Variants in GIN1 observed in about 807,000 individuals in gnomAD.
The protein encoded by GIN1 is gypsy retrotransposon integrase 1.
In GIN1, 41 loss-of-function variants were observed where a neutral mutation model predicts 51.4. The ratio of observed to expected loss-of-function variants is 0.80; its 90% confidence interval spans 0.62 to 1.04. The LOEUF (loss-of-function observed/expected upper bound fraction) is 1.04, where lower values mean the gene tolerates loss of function less well. GIN1 is among the 50% of genes least tolerant of loss of function. The pLI, the probability that GIN1 is intolerant of heterozygous loss-of-function variation, is 0.00. For synonymous variants in GIN1, 222 were observed against 206.5 expected (o/e 1.07, Z -0.64); for missense variants, 610 against 612.4 (o/e 1.00, Z 0.04).
At chr5:103,093,005 A>T (rs1472251395) in intron 7 of GIN1, among the ~76,000 whole-genome samples, 8 of 151,402 alleles carry the variant, frequency 5.3e-5, no homozygotes, top group African/African-American at 1.7e-4. Context: ...GATATAACTA[A>T]GAGGCCAAAA....
chr5:103,099,871 C>T (rs1554195584), intron 4 of GIN1, among the ~76,000 whole-genome samples: 1 of 152,102 alleles, frequency 6.6e-6, no homozygotes, highest in Admixed American at 6.5e-5. Context: ...TTCAACTATA[C>T]AATAAACCTC....
chr5:103,092,999 T>C (rs1169373275), intron 7 of GIN1, among the ~76,000 whole-genome samples: 3 of 81,688 alleles, frequency 3.7e-5, no homozygotes, highest in African/African-American at 1.4e-4. Flanking sequence ...AAAAAAGATA[T>C]AACTAAGAGG....
intron 1 of GIN1, among the ~76,000 whole-genome samples, chr5:103,112,711 TTGAC>T (rs1787921405): frequency 6.6e-6 from 1 of 152,210 alleles, no homozygotes; most frequent in Non-Finnish European, 1.5e-5. Flanking sequence ...TAAAGTGATC[TTGAC>T]CTCTCCTAAT....
chr5:103,114,141 T>C lies in GIN1; in HGVS notation c.-7-5427A>G, dbSNP rs568465552. On this transcript the variant is annotated intron_variant, in intron 1 of 7. Coordinates refer to ENST00000399004, the MANE Select transcript of GIN1 (RefSeq NM_017676.2). Reference sequence around the variant, plus strand: ...TTTCAAAACTCTGGCTAGGTGTAATTTCCTGCAGAGTGTCTTCTAACCACT... The same window carrying C: ...TTTCAAAACTCTGGCTAGGTGTAATCTCCTGCAGAGTGTCTTCTAACCACT... Among the ~76,000 whole-genome samples, 16 of 152,320 alleles carry C rather than the reference T, an allele frequency of 1.1e-4. No homozygotes were observed. In the East Asian group the frequency reaches 3.1e-3, roughly 29 times the overall value.
intron 7 of GIN1, among the ~76,000 whole-genome samples, chr5:103,095,159 C>T (rs1268225880): frequency 6.6e-6 from 1 of 152,110 alleles, no homozygotes; most frequent in Non-Finnish European, 1.5e-5. Flanking sequence ...AATATATTTT[C>T]CATTAAATGT....
Position 103,086,739 on chromosome 5 carries a change from C to T in GIN1, c.*1159G>A, listed in dbSNP as rs257316. On this transcript the variant is annotated 3_prime_UTR_variant, in exon 8 of 8. Coordinates refer to ENST00000399004, the MANE Select transcript of GIN1 (RefSeq NM_017676.2). Reference sequence around the variant, plus strand: ...GCAATTTAGCATGCCTTAACTTGTGCTGTACATGGCTTACATAGTTTATTA... The same window carrying T: ...GCAATTTAGCATGCCTTAACTTGTGTTGTACATGGCTTACATAGTTTATTA... 39,195 of 152,128 alleles carry T rather than the reference C, an allele frequency of 0.26. 5,584 individuals are homozygous for T. The highest frequency in any genetic ancestry group is 0.45 in the East Asian group (2,330 of 5,168). 9.4% of individuals were successfully genotyped at this position (152,128 alleles called of 1,614,324 possible). A position where few individuals can be genotyped will look rare whatever the true frequency, so the allele number is the denominator to read the frequency against.
chr5:103,103,773 C>T (rs1554195980), intron 4 of GIN1, among the ~76,000 whole-genome samples: 1 of 152,104 alleles, frequency 6.6e-6, no homozygotes, highest in Admixed American at 6.6e-5. Flanking sequence ...CTTTACCTGT[C>T]AATCATAGTG....
Position 103,097,758 on chromosome 5 carries a change from C to T in GIN1, c.663G>A (p.Leu221=). 1 of 1,546,224 alleles carries T rather than the reference C, an allele frequency of 6.5e-7. No homozygotes were observed. Among genetic ancestry groups the T allele is most frequent in the East Asian group, 2.2e-5 (1 of 44,530 alleles). ...IQQINIELYR[L]FGIKQIVISH... ...AAATTACAATTTGCTTTATGCCAAA[C>T]AATCTGTACAGTTCAATATTGATCT... Residue 221 remains leucine (L), a synonymous_variant, in exon 5 of 8, where the codon TTG becomes TTA. Transcript: ENST00000399004.
rs974499566 is a variant in GIN1, at chr5:103,086,526, T to C, written c.*1372A>G. On this transcript the variant is annotated 3_prime_UTR_variant, in exon 8 of 8. Coordinates refer to ENST00000399004, the MANE Select transcript of GIN1 (RefSeq NM_017676.2). ...GAAGCCCTGCCTTTTTATGAATCATTACAATACTTTTCCATTTCTGTGTAT... is the reference window on the plus strand; with the variant it reads ...GAAGCCCTGCCTTTTTATGAATCATCACAATACTTTTCCATTTCTGTGTAT... 1 of 152,194 alleles carries C rather than the reference T, an allele frequency of 6.6e-6. No homozygotes were observed. The highest frequency in any genetic ancestry group is 2.4e-5 in the African/African-American group (1 of 41,450). The allele number at this position is 152,194 out of a possible 1,614,324, so 9.4% of individuals were successfully genotyped here.
Position 103,086,493 on chromosome 5 carries a change from G to C in GIN1, c.*1405C>G, listed in dbSNP as rs1787079116. 1 of 152,120 alleles carries C rather than the reference G, an allele frequency of 6.6e-6. No homozygotes were observed. The highest frequency in any genetic ancestry group is 1.5e-5 in the Non-Finnish European group (1 of 68,034). The allele number at this position is 152,120 out of a possible 1,614,324, so 9.4% of individuals were successfully genotyped here. A position where few individuals can be genotyped will look rare whatever the true frequency, so the allele number is the denominator to read the frequency against. On this transcript the variant is annotated 3_prime_UTR_variant, in exon 8 of 8. Transcript: ENST00000399004. ...TTCACTTTATACCCGAGGCAGTGTA[G>C]ACAACAAGAAGCCCTGCCTTTTTAT...
At chr5:103,109,783 A>G (rs1554196735) in intron 1 of GIN1, among the ~76,000 whole-genome samples, 1 of 152,124 alleles carries the variant, frequency 6.6e-6, no homozygotes. Flanking sequence ...AACCAAACAA[A>G]TGCAGCCTAT....
intron 7 of GIN1, among the ~76,000 whole-genome samples, chr5:103,089,803 A>T (rs1456743757): frequency 1.3e-5 from 2 of 152,162 alleles, no homozygotes; most frequent in Non-Finnish European, 2.9e-5. Flanking sequence ...ACTCACCCTC[A>T]TAACATTATT....
intron 1 of GIN1, among the ~76,000 whole-genome samples, chr5:103,116,999 A>C (rs560080385): frequency 6.6e-5 from 10 of 152,256 alleles, no homozygotes; most frequent in African/African-American, 2.4e-4. Context: ...AATTTCTTAT[A>C]AAGTTAAACA....
At position 103,104,655 on chromosome 5, in the gene GIN1, C is replaced by CA. The variant is rs1408840532; in HGVS notation, c.524dup (p.Leu175PhefsTer5). On this transcript the variant is annotated frameshift_variant, in exon 4 of 8. Coordinates refer to ENST00000399004, the MANE Select transcript of GIN1 (RefSeq NM_017676.2). LOFTEE classifies it high-confidence loss of function. ...CTGATGCTGAAACATCACATAGAGG[C>CA]AAAATCACAATCCATTTGGTGAACA... 6.2e-7 allele frequency: 1 copy of CA among 1,609,776 alleles called. No individual in the cohort carries two copies. Among genetic ancestry groups the CA allele is most frequent in the Non-Finnish European group, 8.5e-7 (1 of 1,176,168 alleles).
At chr5:103,096,380 C>T (rs147640954) in intron 7 of GIN1, among the ~76,000 whole-genome samples, 161 bp downstream of exon 7, 6 of 152,034 alleles carry the variant, frequency 3.9e-5, no homozygotes, top group African/African-American at 1.4e-4. Flanking sequence ...CCAGAAGAGA[C>T]ACTGTAATAA....
chr5:103,100,944 C>T (rs898983442), intron 4 of GIN1, among the ~76,000 whole-genome samples: 1 of 152,020 alleles, frequency 6.6e-6, no homozygotes, highest in East Asian at 1.9e-4. Flanking sequence ...CTATAGTCTC[C>T]CTTTACCTTC....
chr5:103,119,968 G>A (rs978650876), intron 1 of GIN1, 96 bp downstream of exon 1: 1 of 154,012 alleles, frequency 6.5e-6, no homozygotes, highest in African/African-American at 2.4e-5. Context: ...CCCTTCCTTA[G>A]GCCGGTCGAG....
chr5:103,097,615 G>C lies in GIN1; in HGVS notation c.806C>G (p.Ser269Ter), dbSNP rs1249265415. Residue 269 changes from serine (S) to a stop codon, truncating the protein, a stop_gained, in exon 5 of 8, where the codon TCA (serine) becomes TGA (stop). Coordinates refer to ENST00000399004, the MANE Select transcript of GIN1 (RefSeq NM_017676.2). LOFTEE classifies it high-confidence loss of function. ...NNWDDHLSAVSFAFNVTHLEP... is the reference protein window; with the variant it reads ...NNWDDHLSAV ...CAAGTGAGTTACATTGAAGGCAAAT[G>C]AAACAGCTGATAGGTGATCATCCCA... 6.2e-7 allele frequency: 1 copy of C among 1,610,482 alleles called. No individual in the cohort carries two copies. Among genetic ancestry groups the C allele is most frequent in the African/African-American group, 1.3e-5 (1 of 74,878 alleles).
In GIN1 at chr5:103,096,696, T is replaced by C; in HGVS notation, c.1139A>G (p.Asp380Gly). The change falls in exon 7 of 8, where the codon GAT becomes GGT. Residue 380 changes from aspartate to glycine, a missense_variant. Asp to Gly is a moderately conservative substitution (Grantham distance 94). Transcript: ENST00000399004. ...VLRQRKNWWK[D>G]GRFQSEWVGP... ...AACCCATTCAGACTGAAAACGACCATCCTTCCACCAATTTTTCCTTTGTCT... is the reference window on the plus strand; with the variant it reads ...AACCCATTCAGACTGAAAACGACCACCCTTCCACCAATTTTTCCTTTGTCT... 6.2e-7 allele frequency: 1 copy of C among 1,614,132 alleles called. No homozygotes were observed. Among genetic ancestry groups the C allele is most frequent in the Non-Finnish European group, 8.5e-7 (1 of 1,179,992 alleles).
Sources: gnomAD v4.1 joint callset for allele counts (sites outside exome capture counted in the v4.1 genomes callset) on GRCh38, gnomAD v4.1.1 for gene constraint, MANE v1.5 for transcripts, NCBI Gene and HGNC (gene_info 2026-07-23, HGNC 2026-07-21) for gene names.